CIT: variants seen among roughly 807,000 people sequenced by gnomAD.
CIT encodes the protein citron rho-interacting serine/threonine kinase.
Under a neutral mutation model 272.7 loss-of-function variants are expected in CIT, and 79 were observed. That is an observed-to-expected ratio of 0.29 (90% confidence interval 0.24 to 0.35). The LOEUF (loss-of-function observed/expected upper bound fraction) is 0.35. CIT is among the 10% of genes least tolerant of loss of function. CIT has a pLI of 1.00. For synonymous variants in CIT, 948 were observed against 995.6 expected, an observed-to-expected ratio of 0.95 and a Z score of 0.90; for missense variants, 1,909 against 2,618.3, an observed-to-expected ratio of 0.73 and a Z score of 5.91.
At chr12:119,877,011 G>A (rs779960323) in intron 1 of CIT, among the ~76,000 whole-genome samples, 9 of 152,230 alleles carry the variant, frequency 5.9e-5, no homozygotes, top group African/African-American at 1.4e-4. Flanking sequence ...GCCTGGTTTA[G>A]GGGAGGAGCA....
At position 119,720,025 on chromosome 12, in the gene CIT, G is replaced by C. The variant is rs1957745281; in HGVS notation, c.3840+453C>G. Among the ~76,000 whole-genome samples, 3 of 152,312 alleles carry C rather than the reference G, an allele frequency of 2.0e-5. No homozygotes were observed. The South Asian group carries it at 6.2e-4, about 32-fold the overall frequency. ...GCTCCCTGAGTTCTAGTCTCTTTGTGAGCCGATCAAAAGGACTGGACTAGA... is the reference window on the plus strand; with the variant it reads ...GCTCCCTGAGTTCTAGTCTCTTTGTCAGCCGATCAAAAGGACTGGACTAGA... On this transcript the variant is annotated intron_variant, in intron 30 of 47. Transcript: ENST00000392521.
At chr12:119,807,722 G>C (rs893069560) in intron 9 of CIT, among the ~76,000 whole-genome samples, 9 of 152,094 alleles carry the variant, frequency 5.9e-5, no homozygotes, top group African/African-American at 2.2e-4. Flanking sequence ...GGTTTTAAAA[G>C]TCAAGATTGT....
In CIT at chr12:119,758,599, T is replaced by C. The variant is rs546618116; in HGVS notation, c.2523A>G (p.Gln841=). Residue 841 remains glutamine (Q), a synonymous_variant, in exon 21 of 48, where the codon CAA becomes CAG. Coordinates refer to ENST00000392521, the MANE Select transcript of CIT (RefSeq NM_001206999.2). ...AGAATTTGAATACTTACATGTTCCT[T>C]TGGGTAAAAAGACTGCTATTTGCTG... The part of the protein sequence containing the change: ...KLAANSSLFT[Q]RNMKAQEEMI... 2.5e-6 allele frequency: 4 copies of C among 1,604,978 alleles called. No homozygotes were observed. Among genetic ancestry groups the C allele is most frequent in the African/African-American group, 1.3e-5 (1 of 74,888 alleles).
At chr12:119,708,681 G>A (rs1565917264) in intron 39 of CIT, among the ~76,000 whole-genome samples, 1 of 151,892 alleles carries the variant, frequency 6.6e-6, no homozygotes, top group Non-Finnish European at 1.5e-5. Flanking sequence ...GTAGAGATGG[G>A]GTTTCGCCAT....
At chr12:119,791,479 A>G (rs1204986407) in intron 10 of CIT, among the ~76,000 whole-genome samples, 4 of 152,208 alleles carry the variant, frequency 2.6e-5, no homozygotes, top group African/African-American at 9.6e-5. Flanking sequence ...GGTGGGAAGC[A>G]GGGTAGATAT....
rs535249521 is a variant in CIT at position 119,781,430 on chromosome 12, G to A, written c.1665+1088C>T. On this transcript the variant is annotated intron_variant, in intron 13 of 47. Transcript: ENST00000392521. Reference sequence around the variant, plus strand: ...TTTCTTGCATTAGCTCCAGCCAGATGGCTAAGTTTGTGCTACCCAGAGACA... The same window carrying A: ...TTTCTTGCATTAGCTCCAGCCAGATAGCTAAGTTTGTGCTACCCAGAGACA... Among the ~76,000 whole-genome samples the A allele has an allele frequency of 7.9e-4, 121 of 152,308 alleles. 1 individual carries two copies. Among genetic ancestry groups the A allele is most frequent in the Non-Finnish European group, 1.5e-3 (104 of 68,026 alleles).
intron 28 of CIT, among the ~76,000 whole-genome samples, chr12:119,724,320 A>G (rs957356260): frequency 6.6e-6 from 1 of 152,240 alleles, no homozygotes; most frequent in Non-Finnish European, 1.5e-5. Flanking sequence ...TTAATCAAGT[A>G]ATCTATTAAT....
chr12:119,811,597 G>A (rs1483659179), intron 9 of CIT, among the ~76,000 whole-genome samples: 1 of 152,216 alleles, frequency 6.6e-6, no homozygotes, highest in African/African-American at 2.4e-5. Context: ...CAATGGAGAT[G>A]TGAGCTCTAG....
chr12:119,756,465 T>G lies in CIT; in HGVS notation c.2706+906A>C, dbSNP rs114238831. ...AATAAAGGATTCGGTCTGTGGCTAATTACAGGCTGAGGCGAACTGGTGCCC... is the reference window on the plus strand; with the variant it reads ...AATAAAGGATTCGGTCTGTGGCTAAGTACAGGCTGAGGCGAACTGGTGCCC... On this transcript the variant is annotated intron_variant, in intron 22 of 47. Transcript: ENST00000392521. Among the ~76,000 whole-genome samples, 1,209 of 152,318 alleles carry G rather than the reference T, an allele frequency of 7.9e-3. 13 individuals are homozygous for G. The highest frequency in any genetic ancestry group is 0.028 in the African/African-American group (1,177 of 41,562).
rs1961186552 is a variant in CIT at position 119,757,633 on chromosome 12, T to C, written c.2532-88A>G. 3.3e-6 allele frequency: 5 copies of C among 1,506,648 alleles called. No individual in the cohort carries two copies. The East Asian group carries it at 6.8e-5, about 20-fold the overall frequency. The allele number at this position is 1,506,648 out of a possible 1,614,324, so 93.3% of individuals were successfully genotyped here. A position where few individuals can be genotyped will look rare whatever the true frequency, so the allele number is the denominator to read the frequency against. ...CACGGGAGGTAGACGGACACGGAGT[T>C]AGACATGTCTCCTCACTAAGTGGAC... is the stretch of plus-strand genomic sequence containing the variant. On this transcript the variant is annotated intron_variant, in intron 21 of 47. Coordinates refer to ENST00000392521, the MANE Select transcript of CIT (RefSeq NM_001206999.2).
rs772949611 is a variant in CIT, at chr12:119,857,552, T to C, written c.385A>G (p.Lys129Glu). The change falls in exon 4 of 48, where the codon AAG becomes GAG. Residue 129 changes from lysine to glutamate, a missense_variant. Around this residue, in one of 8 missense-constraint regions of CIT, gnomAD observed 529 missense variants for 549.6 expected, o/e 0.96. Transcript: ENST00000392521. ...TCCTGGGCCAATAAAGCCTTCTTCT[T>C]CATCACTTTCATAGCATAGATGTCC... ...TGDIYAMKVM[K>E]KKALLAQEQV... 1 of 1,614,156 alleles carries C rather than the reference T, an allele frequency of 6.2e-7. No individual in the cohort carries two copies. Among genetic ancestry groups the C allele is most frequent in the Admixed American group, 1.7e-5 (1 of 60,014 alleles).
chr12:119,867,833 A>T (rs1051775053), intron 3 of CIT, among the ~76,000 whole-genome samples: 3 of 152,212 alleles, frequency 2.0e-5, no homozygotes, highest in Non-Finnish European at 4.4e-5. Context: ...GCAAAGTCAG[A>T]AACAGGGTGA....
chr12:119,803,517 C>A (rs1360571429), intron 9 of CIT, 128 bp from the exon 10 acceptor site: 8 of 620,554 alleles, frequency 1.3e-5, no homozygotes, highest in Non-Finnish European at 2.2e-5. Flanking sequence ...TGCTTTCAAT[C>A]TAGCTCGCAA....
intron 5 of CIT, among the ~76,000 whole-genome samples, chr12:119,843,109 A>C (rs1969521259): frequency 6.6e-6 from 1 of 152,242 alleles, no homozygotes; most frequent in African/African-American, 2.4e-5. Flanking sequence ...AGGAGTTAGC[A>C]AGGTGAACAG....
At chr12:119,752,001 T>G (rs1263337754) in intron 23 of CIT, 49 bp downstream of exon 23, 6 of 1,534,336 alleles carry the variant, frequency 3.9e-6, no homozygotes, top group Non-Finnish European at 5.4e-6. Flanking sequence ...TCCACACTCA[T>G]CCTAGCTGAG....
Position 119,742,571 on chromosome 12 carries a change from C to T in CIT, c.2905-107G>A, listed in dbSNP as rs757410601. The T allele has an allele frequency of 4.4e-5, 30 of 685,054 alleles. 1 individual carries two copies. In the Admixed American group the frequency reaches 5.5e-4, roughly 12 times the overall value. 42.4% of individuals were successfully genotyped at this position (685,054 alleles called of 1,614,324 possible). On this transcript the variant is annotated intron_variant, in intron 23 of 47. Coordinates refer to ENST00000392521, the MANE Select transcript of CIT (RefSeq NM_001206999.2). The stretch of plus-strand genomic sequence containing the variant: ...CAATTTGCCTGGAAAGCCGAGAATG[C>T]GGCACCAGCATCTGTTTTTCTAAGA...
At chr12:119,735,132 A>T (rs1179148206) in intron 25 of CIT, 28 bp downstream of exon 25, 1 of 1,609,114 alleles carries the variant, frequency 6.2e-7, no homozygotes, top group Admixed American at 1.7e-5. Flanking sequence ...TCCTCCAGGG[A>T]TCTCACGACC....
At chr12:119,735,103 C>T (rs1350568424) in intron 25 of CIT, 57 bp downstream of exon 25, 10 of 1,567,994 alleles carry the variant, frequency 6.4e-6, no homozygotes, top group Non-Finnish European at 8.8e-6. Context: ...ACCAAGCACT[C>T]CTAAAATCCT....
chr12:119,757,595 T>C (rs748153971), intron 21 of CIT, 50 bp from the exon 22 acceptor site: 2 of 1,607,484 alleles, frequency 1.2e-6, no homozygotes, highest in Non-Finnish European at 1.7e-6. Context: ...CTCATTAGGG[T>C]TGAGCCCGTT....
Sources: allele counts gnomAD v4.1 joint callset (sites outside exome capture counted in the v4.1 genomes callset), GRCh38; gene constraint gnomAD v4.1.1; regional missense constraint gnomAD v4.1.1; transcripts MANE v1.5; gene names NCBI Gene and HGNC (gene_info 2026-07-23, HGNC 2026-07-21).